Variants in MKLN1 observed in about 807,000 individuals in gnomAD.
MKLN1 encodes the protein muskelin.
MKLN1 carries 18 observed loss-of-function variants against 99.0 expected under a neutral mutation model. The observed-to-expected ratio is 0.18, with a 90% CI of 0.13 to 0.27. The LOEUF is 0.27. Among genes scored for constraint, MKLN1 ranks in the 10% least tolerant of loss-of-function variants. The pLI, the probability that MKLN1 is intolerant of heterozygous loss-of-function variation, is 1.00. For synonymous variants in MKLN1, 288 were observed against 293.2 expected, an observed-to-expected ratio of 0.98 and a Z score of 0.18; for missense variants, 621 against 875.9, an observed-to-expected ratio of 0.71 and a Z score of 3.67.
intron 4 of MKLN1, among the ~76,000 whole-genome samples, chr7:131,395,024 C>T (rs1022249786): frequency 1.3e-5 from 2 of 152,044 alleles, no homozygotes; most frequent in African/African-American, 2.4e-5. Flanking sequence ...TTATTAATAT[C>T]ACATCTAATC....
intron 16 of MKLN1, among the ~76,000 whole-genome samples, chr7:131,478,136 G>A (rs1446071433): frequency 6.6e-6 from 1 of 152,160 alleles, no homozygotes; most frequent in Non-Finnish European, 1.5e-5. Flanking sequence ...AATCTAAGTT[G>A]TAATTTAGGA....
At chr7:131,456,165 C>T (rs1796332625) in intron 12 of MKLN1, among the ~76,000 whole-genome samples, 1 of 152,000 alleles carries the variant, frequency 6.6e-6, no homozygotes, top group Non-Finnish European at 1.5e-5. Context: ...AGAATGAAAG[C>T]TGCTTTCTTG....
chr7:131,220,780 C>T (rs773783135), intron 3 of MKLN1, among the ~76,000 whole-genome samples: 3 of 152,048 alleles, frequency 2.0e-5, no homozygotes, highest in Non-Finnish European at 4.4e-5. Context: ...TTGATTCTGA[C>T]GTCAGATATC....
intron 1 of MKLN1, among the ~76,000 whole-genome samples, chr7:131,117,965 G>A (rs532230820): frequency 6.6e-6 from 1 of 152,334 alleles, no homozygotes; most frequent in Admixed American, 6.5e-5. Context: ...GAATTGCAGG[G>A]TGATACAGTT....
In MKLN1 at chr7:131,495,890, T is replaced by A. The variant is rs1469945753; in HGVS notation, c.*8162T>A. The A allele has an allele frequency of 1.3e-5, 2 of 152,198 alleles. No homozygotes were observed. The highest frequency in any genetic ancestry group is 2.9e-5 in the Non-Finnish European group (2 of 68,034). The allele number at this position is 152,198 out of a possible 1,614,324, so 9.4% of individuals were successfully genotyped here. On this transcript the variant is annotated 3_prime_UTR_variant, in exon 18 of 18. Coordinates refer to ENST00000352689, the MANE Select transcript of MKLN1 (RefSeq NM_013255.5). ...ACCATTATGGGCATATGGAGCATAT[T>A]CATACCATGAGGAGGAGTCTTTGTT...
intron 2 of MKLN1, among the ~76,000 whole-genome samples, chr7:131,181,724 A>ATCTCAGCT (rs1563243529): frequency 2.0e-5 from 3 of 149,682 alleles, no homozygotes; most frequent in Admixed American, 1.3e-4. Flanking sequence ...CAGTGGCACG[A>ATCTCAGCT]TCTCAGCTCA....
chr7:131,270,882 G>A (rs1797874398), intron 3 of MKLN1, among the ~76,000 whole-genome samples: 2 of 150,692 alleles, frequency 1.3e-5, no homozygotes, highest in Admixed American at 6.6e-5. Context: ...CTTTTAACTG[G>A]GGTCTTTCCT....
chr7:131,162,242 G>T (rs1047888890), intron 2 of MKLN1, among the ~76,000 whole-genome samples: 10 of 151,764 alleles, frequency 6.6e-5, no homozygotes, highest in African/African-American at 2.4e-4. Context: ...TAGTAGAGAC[G>T]GGGTTTCATC....
intron 1 of MKLN1, among the ~76,000 whole-genome samples, chr7:131,117,893 T>C (rs923684800): frequency 6.6e-6 from 1 of 152,224 alleles, no homozygotes; most frequent in African/African-American, 2.4e-5. Flanking sequence ...TCTCCCAAGA[T>C]CAGGTACATG....
At chr7:131,251,082 A>G (rs1279211411) in intron 3 of MKLN1, among the ~76,000 whole-genome samples, 1 of 142,536 alleles carries the variant, frequency 7.0e-6, no homozygotes, top group Non-Finnish European at 1.5e-5. Context: ...GCCAGCAGCA[A>G]TGGGGCCCAG....
At chr7:131,179,077 C>A (rs556027731) in intron 2 of MKLN1, among the ~76,000 whole-genome samples, 3 of 152,082 alleles carry the variant, frequency 2.0e-5, no homozygotes, top group African/African-American at 4.8e-5. Context: ...TAAATAAATA[C>A]CTTTCTTGAC....
chr7:131,458,228 CAAG>C (rs1162378401), intron 12 of MKLN1, among the ~76,000 whole-genome samples: 1 of 152,102 alleles, frequency 6.6e-6, no homozygotes, highest in African/African-American at 2.4e-5. Context: ...AACTTTGAAT[CAAG>C]AAATTTAAAT....
At chr7:131,404,153 G>A (rs962972430) in intron 6 of MKLN1, among the ~76,000 whole-genome samples, 8 of 152,036 alleles carry the variant, frequency 5.3e-5, no homozygotes, top group Admixed American at 4.6e-4. Context: ...TAAGATATTG[G>A]TCTGCAGTTT....
chr7:131,179,735 C>T (rs1057030171), intron 2 of MKLN1, among the ~76,000 whole-genome samples: 2 of 151,784 alleles, frequency 1.3e-5, no homozygotes, highest in African/African-American at 2.4e-5. Flanking sequence ...CTGCCATGCC[C>T]AGCTAATTTT....
chr7:131,154,141 C>T (rs1208624989), intron 2 of MKLN1, among the ~76,000 whole-genome samples: 1 of 151,908 alleles, frequency 6.6e-6, no homozygotes, highest in East Asian at 1.9e-4. Context: ...AATACATTTG[C>T]TTATATTAGA....
rs550279869 is a variant in MKLN1 at position 131,255,558 on chromosome 7, TATCTATCTATC to T, written c.-179+52596_-179+52606del. Among the ~76,000 whole-genome samples, 295 of 152,334 alleles carry T rather than the reference TATCTATCTATC, an allele frequency of 1.9e-3. 2 individuals are homozygous for T. The highest frequency in any genetic ancestry group is 7.0e-3 in the African/African-American group (290 of 41,584). On this transcript the variant is annotated intron_variant, in intron 3 of 7. Transcript: ENST00000416992. ...TAAAGCCTGTCAACTAGTTGTTGTCTATCTATCTATCATCTATCTATCTCTCTATTTATTTC... is the reference window on the plus strand; with the variant it reads ...TAAAGCCTGTCAACTAGTTGTTGTCTATCTATCTATCTCTCTATTTATTTC...
At chr7:131,417,436 T>C (rs1795052270) in intron 8 of MKLN1, among the ~76,000 whole-genome samples, 1 of 152,186 alleles carries the variant, frequency 6.6e-6, no homozygotes, top group Non-Finnish European at 1.5e-5. Context: ...TTTCAGCCTT[T>C]AAAAGAAATC....
intron 9 of MKLN1, among the ~76,000 whole-genome samples, chr7:131,435,489 TG>T (rs1937835667): frequency 6.6e-6 from 1 of 152,208 alleles, no homozygotes; most frequent in Non-Finnish European, 1.5e-5. Flanking sequence ...TGAAAAATTT[TG>T]TCTAAAACTG....
chr7:131,244,168 A>C (rs990834946), intron 3 of MKLN1, among the ~76,000 whole-genome samples: 1 of 152,170 alleles, frequency 6.6e-6, no homozygotes, highest in Non-Finnish European at 1.5e-5. Context: ...GATGACCATT[A>C]ATGCCTATTG....
Sources: allele counts gnomAD v4.1 joint callset (sites outside exome capture counted in the v4.1 genomes callset), GRCh38; gene constraint gnomAD v4.1.1; transcripts MANE v1.5; gene names NCBI Gene and HGNC (gene_info 2026-07-23, HGNC 2026-07-21).